Variants in ZFHX2 observed in about 807,000 individuals in gnomAD.
ZFHX2 encodes zinc finger homeobox 2.
Under a neutral mutation model 164.8 loss-of-function variants are expected in ZFHX2, and 75 were observed. The ratio of observed to expected loss-of-function variants is 0.46; its 90% CI spans 0.38 to 0.55. The LOEUF is 0.55. Among genes scored for constraint, ZFHX2 ranks in the 20% least tolerant of loss-of-function variants. The pLI is 0.00. For synonymous variants in ZFHX2, 1,217 were observed against 1,351.4 expected, an observed-to-expected ratio of 0.90 and a Z score of 2.18; for missense variants, 2,933 against 3,308.0, an observed-to-expected ratio of 0.89 and a Z score of 2.78.
Position 23,535,419 on chromosome 14 carries a change from C to CCCCAGCTG in ZFHX2, c.-49-53_-49-46dup. On this transcript the variant is annotated intron_variant, in intron 1 of 9. Transcript: ENST00000419474. The surrounding 1 kb of genome is among the most constrained non-coding windows in gnomAD (Gnocchi z 4.5). ...GAGCAGTGCTGTGAGGCTGCAGGGA[C>CCCCAGCTG]CCCAGCTGGGCAGCTGGATCTCTGG... 1 of 1,386,068 alleles carries CCCCAGCTG rather than the reference C, an allele frequency of 7.2e-7. No homozygotes were observed. Among genetic ancestry groups the CCCCAGCTG allele is most frequent in the Non-Finnish European group, 9.4e-7 (1 of 1,068,400 alleles). The allele number at this position is 1,386,068 out of a possible 1,614,324, so 85.9% of individuals were successfully genotyped here.
chr14:23,531,352 C>A, intron 4 of ZFHX2, 129 bp downstream of exon 4: 1 of 1,265,674 alleles, frequency 7.9e-7, no homozygotes, highest in Non-Finnish European at 1.0e-6. Context: ...GCAGCTTCTT[C>A]CCATTTAGTA....
At position 23,525,008 on chromosome 14, in the gene ZFHX2, T is replaced by C; in HGVS notation, c.4934A>G (p.Asn1645Ser). ...ASRVVVVWFQNARQKARKNAC... is the reference protein window; with the variant it reads ...ASRVVVVWFQSARQKARKNAC... ...ATTTTTGCGTGCTTTCTGGCGGGCA[T>C]TCTGGAACCACACCACCACCACACG... The change falls in exon 9 of 10, where the codon AAT (asparagine) becomes AGT (serine). Residue 1645 changes from asparagine to serine, a missense_variant. Coordinates refer to ENST00000419474, the MANE Select transcript of ZFHX2 (RefSeq NM_033400.3). The surrounding 1 kb of genome is among the most constrained non-coding windows in gnomAD (Gnocchi z 5.9). The C allele has an allele frequency of 1.3e-6, 2 of 1,536,186 alleles. No individual in the cohort carries two copies. Among genetic ancestry groups the C allele is most frequent in the Non-Finnish European group, 8.7e-7 (1 of 1,146,912 alleles).
At chr14:23,529,992 C>A in intron 5 of ZFHX2, 128 bp downstream of exon 5, 1 of 1,080,644 alleles carries the variant, frequency 9.3e-7, no homozygotes, top group Non-Finnish European at 1.4e-6. Context: ...TCCCTTCCCC[C>A]TGATGAGCCC....
Position 23,534,059 on chromosome 14 carries a change from C to T in ZFHX2, c.1267G>A (p.Asp423Asn). ...GCTGCAGGGGCTGGGGTGTAGTCAT[C>T]AGCTAGGCGATAGGGCTGGGGTGGG... is the stretch of plus-strand genomic sequence containing the variant. ...SDPPQPYRLA[D>N]DYTPAPAAFQ... The change falls in exon 2 of 10, where the codon GAT (aspartate) becomes AAT (asparagine). Residue 423 changes from aspartate (D) to asparagine (N), a missense_variant. Asp to Asn is a conservative substitution (Grantham distance 23, BLOSUM62 1). Transcript: ENST00000419474. This position sits in a 1 kb window ranked among gnomAD's most constrained non-coding sequence, Gnocchi z 4.5. 2 of 1,529,068 alleles carry T rather than the reference C, an allele frequency of 1.3e-6. No individual in the cohort carries two copies. Among genetic ancestry groups the T allele is most frequent in the Non-Finnish European group, 1.8e-6 (2 of 1,142,166 alleles). 94.7% of individuals were successfully genotyped at this position (1,529,068 alleles called of 1,614,324 possible).
intron 7 of ZFHX2, 79 bp from the exon 8 acceptor site, chr14:23,527,052 C>A: frequency 1.4e-6 from 2 of 1,416,782 alleles, no homozygotes; most frequent in Non-Finnish European, 1.8e-6. Flanking sequence ...CTGCCCTACA[C>A]CTGTACTTGT....
In ZFHX2 at chr14:23,535,434, T is replaced by C; in HGVS notation, c.-49-60A>G. The C allele has an allele frequency of 7.6e-7, 1 of 1,323,216 alleles. No homozygotes were observed. The highest frequency in any genetic ancestry group is 9.9e-7 in the Non-Finnish European group (1 of 1,013,802). 82.0% of individuals were successfully genotyped at this position (1,323,216 alleles called of 1,614,324 possible). On this transcript the variant is annotated intron_variant, in intron 1 of 9. Coordinates refer to ENST00000419474, the MANE Select transcript of ZFHX2 (RefSeq NM_033400.3). This position sits in a 1 kb window ranked among gnomAD's most constrained non-coding sequence, Gnocchi z 4.5. ...GCTGCAGGGACCCCAGCTGGGCAGC[T>C]GGATCTCTGGATACTCCTGCCCCAT...
At chr14:23,531,300 G>C (rs1218297723) in intron 4 of ZFHX2, 181 bp downstream of exon 4, 1 of 889,942 alleles carries the variant, frequency 1.1e-6, no homozygotes, top group Non-Finnish European at 1.5e-6. Flanking sequence ...ACTCAAGGTA[G>C]CCTCCACAGT....
Position 23,534,523 on chromosome 14 carries a change from TA to T in ZFHX2, c.802del (p.Tyr268IlefsTer22). 1 of 1,536,060 alleles carries T rather than the reference TA, an allele frequency of 6.5e-7. No individual in the cohort carries two copies. Among genetic ancestry groups the T allele is most frequent in the Non-Finnish European group, 8.7e-7 (1 of 1,146,888 alleles). The part of the protein sequence containing the change: ...SHGVKLTPAQ[Y>X]QGLSGSPAVL... Reference sequence around the variant, plus strand: ...AGCTGGGCTACCTGACAGGCCCTGATATTGGGCAGGGGTTAGCTTCACCCCA... The same window carrying T: ...AGCTGGGCTACCTGACAGGCCCTGATTTGGGCAGGGGTTAGCTTCACCCCA... On this transcript the variant is annotated frameshift_variant, in exon 2 of 10. Coordinates refer to ENST00000419474, the MANE Select transcript of ZFHX2 (RefSeq NM_033400.3). LOFTEE classifies it high-confidence loss of function. The surrounding 1 kb of genome is among the most constrained non-coding windows in gnomAD (Gnocchi z 4.5).
At chr14:23,544,645 C>T (rs905993957) in intron 1 of ZFHX2, among the ~76,000 whole-genome samples, 1 of 152,130 alleles carries the variant, frequency 6.6e-6, no homozygotes, top group African/African-American at 2.4e-5. Flanking sequence ...GCCCGGCTGG[C>T]GCGGGCGTGT....
intron 1 of ZFHX2, among the ~76,000 whole-genome samples, chr14:23,547,733 G>A (rs1411468766): frequency 6.6e-6 from 1 of 152,124 alleles, no homozygotes; most frequent in African/African-American, 2.4e-5. Context: ...GGTGGGGGGA[G>A]TGGGTGAAAA....
rs1305557427 is a variant in ZFHX2 at position 23,525,043 on chromosome 14, A to G, written c.4899T>C (p.Gly1633=). 6.5e-7 allele frequency: 1 copy of G among 1,536,058 alleles called. No homozygotes were observed. The highest frequency in any genetic ancestry group is 8.7e-7 in the Non-Finnish European group (1 of 1,146,876). ...ACACCACCACCACACGGCTAGCCAG[A>G]CCCAACAGACTTGCGAGTCGCTCCA... ...GEVERLASLL[G]LASRVVVVWF... is the part of the protein sequence containing the mutation. The change falls in exon 9 of 10, where the codon GGT becomes GGC. Residue 1633 remains glycine (G), a synonymous_variant. Transcript: ENST00000419474. The surrounding 1 kb of genome is among the most constrained non-coding windows in gnomAD (Gnocchi z 5.9).
chr14:23,541,003 T>G (rs1232921241), intron 1 of ZFHX2, among the ~76,000 whole-genome samples: 1 of 151,944 alleles, frequency 6.6e-6, no homozygotes, highest in African/African-American at 2.4e-5. Flanking sequence ...CCTCCCAGGT[T>G]CAAGTGATTC....
Position 23,533,970 on chromosome 14 carries a change from T to C in ZFHX2, c.1356A>G (p.Thr452=), listed in dbSNP as rs1879874436. Residue 452 remains threonine, a synonymous_variant, in exon 2 of 10, where the codon ACA becomes ACG. Coordinates refer to ENST00000419474, the MANE Select transcript of ZFHX2 (RefSeq NM_033400.3). The surrounding 1 kb of genome is among the most constrained non-coding windows in gnomAD (Gnocchi z 4.8). ...SLLHSRNSCK[T]LKCPKCNWHY... ...GCCAGTTGCACTTGGGACACTTGAG[T>C]GTCTTGCAGGAGTTGCGTGAGTGGA... 2 of 1,537,610 alleles carry C rather than the reference T, an allele frequency of 1.3e-6. No individual in the cohort carries two copies. The highest frequency in any genetic ancestry group is 2.7e-5 in the African/African-American group (2 of 73,080).
rs1005994383 is a variant in ZFHX2 at position 23,530,153 on chromosome 14, C to T, written c.2842G>A (p.Glu948Lys). ...VTPLAEPPTPEKDAQNKTEQL... is the reference protein window; with the variant it reads ...VTPLAEPPTPKKDAQNKTEQL... ...TCTGTCTTGTTCTGGGCATCTTTCT[C>T]AGGGGTGGGTGGCTCAGCTAAGGGG... Residue 948 changes from glutamate (E) to lysine (K), a missense_variant, in exon 5 of 10, where the codon GAG (glutamate) becomes AAG (lysine). Glu to Lys is a moderately conservative substitution (Grantham distance 56). Transcript: ENST00000419474. 1 of 1,536,010 alleles carries T rather than the reference C, an allele frequency of 6.5e-7. No homozygotes were observed. The highest frequency in any genetic ancestry group is 2.4e-5 in the East Asian group (1 of 40,916).
Position 23,534,944 on chromosome 14 carries a change from G to T in ZFHX2, c.382C>A (p.Leu128Met), listed in dbSNP as rs1446627781. The T allele has an allele frequency of 3.3e-6, 5 of 1,536,064 alleles. No homozygotes were observed. In the African/African-American group the frequency reaches 6.8e-5, roughly 21 times the overall value. The change falls in exon 2 of 10, where the codon CTG becomes ATG. Residue 128 changes from leucine to methionine, a missense_variant. Transcript: ENST00000419474. This position sits in a 1 kb window ranked among gnomAD's most constrained non-coding sequence, Gnocchi z 4.5. ...AGTTCACTGCCACCTGGCAGGGACA[G>T]CTTGGCCACTAGGTAGGCCTCACCT... ...AGGEAYLVAK[L>M]SLPGGSELLL... is the part of the protein sequence containing the mutation.
In ZFHX2 at chr14:23,532,424, T is replaced by C. The variant is rs939864982; in HGVS notation, c.2559+143A>G. 13 of 1,014,320 alleles carry C rather than the reference T, an allele frequency of 1.3e-5. No individual in the cohort carries two copies. The African/African-American group carries it at 2.1e-4, about 17-fold the overall frequency. The allele number at this position is 1,014,320 out of a possible 1,614,324, so 62.8% of individuals were successfully genotyped here. A position where few individuals can be genotyped will look rare whatever the true frequency, so the allele number is the denominator to read the frequency against. ...CATGTCTGTCACTTTGTTACCCTGG[T>C]ACATATGTCATTACCTGGTGCATAC... On this transcript the variant is annotated intron_variant, in intron 3 of 9. Transcript: ENST00000419474.
In ZFHX2 at chr14:23,524,081, G is replaced by A; in HGVS notation, c.5861C>T (p.Thr1954Ile). The change falls in exon 9 of 10, where the codon ACT becomes ATT. Residue 1954 changes from threonine (T) to isoleucine (I), a missense_variant. By Grantham distance (89) the Thr-to-Ile change is moderately conservative (BLOSUM62 -1). Coordinates refer to ENST00000419474, the MANE Select transcript of ZFHX2 (RefSeq NM_033400.3). The surrounding 1 kb of genome is among the most constrained non-coding windows in gnomAD (Gnocchi z 5.6). ...NLLLGKVDDG[T>I]GREAPKREAP... ...TTCCCTCTTTGGGGCTTCCCTCCCA[G>A]TGCCATCATCTACCTTGCCTAATAA... is the stretch of plus-strand genomic sequence containing the variant. 1 of 1,526,898 alleles carries A rather than the reference G, an allele frequency of 6.5e-7. No individual in the cohort carries two copies. The highest frequency in any genetic ancestry group is 8.8e-7 in the Non-Finnish European group (1 of 1,141,592). 94.6% of individuals were successfully genotyped at this position (1,526,898 alleles called of 1,614,324 possible). A position where few individuals can be genotyped will look rare whatever the true frequency, so the allele number is the denominator to read the frequency against.
chr14:23,540,270 C>T (rs925729293), intron 1 of ZFHX2, among the ~76,000 whole-genome samples: 8 of 152,272 alleles, frequency 5.3e-5, no homozygotes, highest in African/African-American at 1.9e-4. Context: ...GGATTACAGG[C>T]ATGAGCCACC....
chr14:23,527,512 A>G lies in ZFHX2; in HGVS notation c.3135+92T>C, dbSNP rs1220370679. ...CCTGAATGCCCCCTGCCCCCAACAC[A>G]TGCACCTGCCTGAATACCCCTGCCT... On this transcript the variant is annotated intron_variant, in intron 7 of 9. Coordinates refer to ENST00000419474, the MANE Select transcript of ZFHX2 (RefSeq NM_033400.3). 6 of 1,477,038 alleles carry G rather than the reference A, an allele frequency of 4.1e-6. No individual in the cohort carries two copies. The African/African-American group carries it at 8.4e-5, about 21-fold the overall frequency. 91.5% of individuals were successfully genotyped at this position (1,477,038 alleles called of 1,614,324 possible).
Sources: gnomAD v4.1 joint callset for allele counts (sites outside exome capture counted in the v4.1 genomes callset) on GRCh38, gnomAD v4.1.1 for gene constraint, Gnocchi (gnomAD v3.1) non-coding constraint, MANE v1.5 for transcripts, NCBI Gene and HGNC (gene_info 2026-07-23, HGNC 2026-07-21) for gene names.